SCUBE1: variants seen among roughly 807,000 people sequenced by gnomAD.
SCUBE1 encodes the protein signal peptide, CUB and EGF-like domain-containing protein 1.
A neutral mutation model predicts 124.4 loss-of-function variants in SCUBE1; 59 were observed. The ratio of observed to expected loss-of-function variants is 0.47; its 90% confidence interval spans 0.38 to 0.59. The LOEUF (loss-of-function observed/expected upper bound fraction) is 0.59. Ranked by LOEUF, SCUBE1 falls within the 20% of genes least tolerant of loss-of-function variation. The pLI is 0.00. For missense variants in SCUBE1, 1,150 were observed against 1,371.2 expected (o/e 0.84, Z 2.55); for synonymous variants, 545 against 550.9 (o/e 0.99, Z 0.15).
rs17003664 is a variant in SCUBE1 at position 43,326,093 on chromosome 22, C to T, written c.221-6028G>A. Among the ~76,000 whole-genome samples, 221 of 152,184 alleles carry T rather than the reference C, an allele frequency of 1.5e-3. 2 individuals are homozygous for T. The highest frequency in any genetic ancestry group is 5.0e-3 in the African/African-American group (208 of 41,500). On this transcript the variant is annotated intron_variant, in intron 2 of 21. Transcript: ENST00000360835. ...TATTTTAGGGTATTTTCCTCAAAAT[C>T]GGGACTGACTAGAAACATTCTCAAA...
intron 2 of SCUBE1, 125 bp downstream of exon 2, chr22:43,338,979 G>T: frequency 8.8e-7 from 1 of 1,142,402 alleles, no homozygotes; most frequent in Non-Finnish European, 1.3e-6. Flanking sequence ...AGCCTGTGCT[G>T]TCAGCAACCA....
chr22:43,207,081 C>G lies in SCUBE1; in HGVS notation c.2814+453G>C, dbSNP rs533895330. Among the ~76,000 whole-genome samples the G allele has an allele frequency of 1.1e-3, 161 of 152,288 alleles. No homozygotes were observed. In the Middle Eastern group the frequency reaches 0.044, roughly 42 times the overall value. ...TGGGTCCCCAGGCCTCTGGCCAGTACCCACCATGTGACACACCAGGCGGCC... is the reference window on the plus strand; with the variant it reads ...TGGGTCCCCAGGCCTCTGGCCAGTAGCCACCATGTGACACACCAGGCGGCC... On this transcript the variant is annotated intron_variant, in intron 21 of 21. Transcript: ENST00000360835.
intron 5 of SCUBE1, among the ~76,000 whole-genome samples, chr22:43,261,753 G>A (rs545255002): frequency 6.6e-6 from 1 of 152,354 alleles, no homozygotes; most frequent in East Asian, 1.9e-4. Context: ...ATTAGAATGT[G>A]GGCTTGATAT....
Position 43,258,151 on chromosome 22 carries a change from C to T in SCUBE1, c.727+68G>A, listed in dbSNP as rs577483706. 2 of 1,077,418 alleles carry T rather than the reference C, an allele frequency of 1.9e-6. No individual in the cohort carries two copies. The highest frequency in any genetic ancestry group is 2.4e-5 in the East Asian group (1 of 42,190). 66.7% of individuals were successfully genotyped at this position (1,077,418 alleles called of 1,614,324 possible). A position where few individuals can be genotyped will look rare whatever the true frequency, so the allele number is the denominator to read the frequency against. Reference sequence around the variant, plus strand: ...CGGACGTGGCAGGGTGCTGGCCCTGCTGGTGCACGCATGGGGGGTCGGGGG... The same window carrying T: ...CGGACGTGGCAGGGTGCTGGCCCTGTTGGTGCACGCATGGGGGGTCGGGGG... On this transcript the variant is annotated intron_variant, in intron 6 of 21. Coordinates refer to ENST00000360835, the MANE Select transcript of SCUBE1 (RefSeq NM_173050.5). This position sits in a 1 kb window ranked among gnomAD's most constrained non-coding sequence, Gnocchi z 5.0.
chr22:43,268,976 G>A (rs1167119759), intron 4 of SCUBE1, among the ~76,000 whole-genome samples: 2 of 152,158 alleles, frequency 1.3e-5, no homozygotes, highest in African/African-American at 4.8e-5. Flanking sequence ...GAGGAGGGCT[G>A]GATTGGACAC....
intron 6 of SCUBE1, among the ~76,000 whole-genome samples, chr22:43,241,820 G>A (rs1258978519): frequency 1.3e-5 from 2 of 152,248 alleles, no homozygotes; most frequent in Non-Finnish European, 2.9e-5. Flanking sequence ...ATGTGCCCAT[G>A]TCAGGCTCAT....
Position 43,267,645 on chromosome 22 carries a change from C to T in SCUBE1, c.485-4800G>A, listed in dbSNP as rs374982260. On this transcript the variant is annotated intron_variant, in intron 4 of 21. Coordinates refer to ENST00000360835, the MANE Select transcript of SCUBE1 (RefSeq NM_173050.5). ...TGGCCCATTCTAGCTCCTCACCAGA[C>T]AGATAAAGCAACAGTGACACAGCGA... 2.6e-5 allele frequency among the ~76,000 whole-genome samples: 4 copies of T among 152,320 alleles called. 1 individual carries two copies. The highest frequency in any genetic ancestry group is 4.8e-5 in the African/African-American group (2 of 41,576).
At chr22:43,290,344 C>G (rs1253154489) in intron 4 of SCUBE1, among the ~76,000 whole-genome samples, 2 of 152,218 alleles carry the variant, frequency 1.3e-5, no homozygotes, top group African/African-American at 2.4e-5. Flanking sequence ...CACATGTGTC[C>G]TGGCTTTCTG....
chr22:43,258,310 G>C lies in SCUBE1; in HGVS notation c.636C>G (p.Gly212=). The C allele has an allele frequency of 1.2e-6, 2 of 1,614,028 alleles. No homozygotes were observed. Among genetic ancestry groups the C allele is most frequent in the South Asian group, 2.2e-5 (2 of 91,074 alleles). The change falls in exon 6 of 22, where the codon GGC becomes GGG. Residue 212 remains glycine, a synonymous_variant. Transcript: ENST00000360835. This position sits in a 1 kb window ranked among gnomAD's most constrained non-coding sequence, Gnocchi z 5.0. ...CTGTGTCCTCACAGCTGTGCTGGCAGCCTCCGTTTCCATAATTACAGGTTA... is the reference window on the plus strand; with the variant it reads ...CTGTGTCCTCACAGCTGTGCTGGCACCCTCCGTTTCCATAATTACAGGTTA... ...CTLTCNYGNG[G]CQHSCEDTDT...
rs181584809 is a variant in SCUBE1, at chr22:43,250,226, G to A, written c.727+7993C>T. Among the ~76,000 whole-genome samples the A allele has an allele frequency of 2.8e-3, 425 of 152,356 alleles. 2 individuals carry two copies. Among genetic ancestry groups the A allele is most frequent in the Middle Eastern group, 0.01 (3 of 294 alleles). On this transcript the variant is annotated intron_variant, in intron 6 of 21. Coordinates refer to ENST00000360835, the MANE Select transcript of SCUBE1 (RefSeq NM_173050.5). Reference sequence around the variant, plus strand: ...CGAAGCTTTTCCCTCTCCTCTGGACGCCTGGGGGCTCCTGCAGGTCTAGGG... The same window carrying A: ...CGAAGCTTTTCCCTCTCCTCTGGACACCTGGGGGCTCCTGCAGGTCTAGGG...
intron 2 of SCUBE1, among the ~76,000 whole-genome samples, chr22:43,334,696 T>C (rs1360412736): frequency 1.3e-5 from 2 of 152,108 alleles, no homozygotes; most frequent in Non-Finnish European, 2.9e-5. Flanking sequence ...ATCAACATTA[T>C]CATCACCCCC....
intron 3 of SCUBE1, 150 bp from the exon 4 acceptor site, chr22:43,291,330 G>A (rs927552747): frequency 1.2e-6 from 1 of 829,074 alleles, no homozygotes; most frequent in Non-Finnish European, 1.9e-6. Flanking sequence ...CTGTGTGATG[G>A]TGATACTGTA....
At chr22:43,287,581 C>T (rs916437219) in intron 4 of SCUBE1, among the ~76,000 whole-genome samples, 1 of 152,236 alleles carries the variant, frequency 6.6e-6, no homozygotes, top group Non-Finnish European at 1.5e-5. Flanking sequence ...CTGGACCGAC[C>T]TGGGCCAACC....
intron 3 of SCUBE1, among the ~76,000 whole-genome samples, chr22:43,295,437 A>G (rs1200900355): frequency 2.0e-5 from 3 of 152,244 alleles, no homozygotes; most frequent in Non-Finnish European, 4.4e-5. Flanking sequence ...TACTCAAGTG[A>G]CAGGAGGGTA....
At chr22:43,226,612 G>C (rs1036963349) in intron 10 of SCUBE1, among the ~76,000 whole-genome samples, 2 of 150,918 alleles carry the variant, frequency 1.3e-5, no homozygotes, top group Admixed American at 1.3e-4. Flanking sequence ...GGAGTTACCG[G>C]GGTTGGAAGG....
intron 2 of SCUBE1, among the ~76,000 whole-genome samples, chr22:43,330,462 G>A (rs1926869688): frequency 6.6e-6 from 1 of 152,174 alleles, no homozygotes; most frequent in African/African-American, 2.4e-5. Context: ...TATTTTCATT[G>A]CTGCACTTTC....
chr22:43,240,584 G>A lies in SCUBE1; in HGVS notation c.728-1630C>T, dbSNP rs186852969. ...GGAATGAGTCCTGGCTGTCACTCAC[G>A]GAGCCCCTCAGGCAGCCAACCCCTT... On this transcript the variant is annotated intron_variant, in intron 6 of 21. Transcript: ENST00000360835. Among the ~76,000 whole-genome samples the A allele has an allele frequency of 8.3e-4, 127 of 152,290 alleles. 1 individual carries two copies. The East Asian group carries it at 0.02, about 24-fold the overall frequency.
At chr22:43,309,418 ATT>A (rs1410437215) in intron 3 of SCUBE1, among the ~76,000 whole-genome samples, 3 of 152,068 alleles carry the variant, frequency 2.0e-5, no homozygotes, top group Admixed American at 6.5e-5. Context: ...AGGCAGATCG[ATT>A]TCTGATGCTC....
In SCUBE1 at chr22:43,204,155, A is replaced by G; in HGVS notation, c.2815-6T>C. 1 of 1,613,234 alleles carries G rather than the reference A, an allele frequency of 6.2e-7. No individual in the cohort carries two copies. Among genetic ancestry groups the G allele is most frequent in the Non-Finnish European group, 8.5e-7 (1 of 1,179,746 alleles). ...GCCTTGATCAGCTTCTTGTCCTGTA[A>G]GATAGAGTGGGTGGGAGGCAGGGGA... On this transcript the variant is annotated splice_region_variant and splice_polypyrimidine_tract_variant and intron_variant, in intron 21 of 21. Transcript: ENST00000360835.
Sources: allele counts gnomAD v4.1 joint callset (sites outside exome capture counted in the v4.1 genomes callset), GRCh38; gene constraint gnomAD v4.1.1; non-coding constraint Gnocchi (gnomAD v3.1); transcripts MANE v1.5; gene names NCBI Gene and HGNC (gene_info 2026-07-23, HGNC 2026-07-21).